Variants in GALNT2 observed in about 807,000 individuals in gnomAD.
GALNT2 encodes the protein polypeptide N-acetylgalactosaminyltransferase 2.
Under a neutral mutation model 81.4 loss-of-function variants are expected in GALNT2, and 31 were observed. That is an observed-to-expected ratio of 0.38 (90% CI 0.29 to 0.51). The LOEUF is 0.51. Ranked by LOEUF, GALNT2 falls within the 20% of genes least tolerant of loss-of-function variation. The pLI, the probability that GALNT2 is intolerant of heterozygous loss-of-function variation, is 0.87. For synonymous variants in GALNT2, 303 were observed against 287.4 expected (o/e 1.05, Z -0.55); for missense variants, 629 against 765.7 (o/e 0.82, Z 2.11).
At chr1:230,146,597 AG>A in intron 1 of GALNT2, among the ~76,000 whole-genome samples, 1 of 152,282 alleles carries the variant, frequency 6.6e-6, no homozygotes, top group Admixed American at 6.5e-5. Flanking sequence ...GTATTAGATG[AG>A]AAAGGAGCAA....
At chr1:230,258,514 C>T (rs551502749) in intron 11 of GALNT2, among the ~76,000 whole-genome samples, 37 of 152,272 alleles carry the variant, frequency 2.4e-4, no homozygotes, top group Middle Eastern at 3.4e-3. Flanking sequence ...CGTGAGCCAC[C>T]GTGCCTGGCC....
At chr1:230,145,132 C>T (rs1661875611) in intron 1 of GALNT2, among the ~76,000 whole-genome samples, 1 of 152,164 alleles carries the variant, frequency 6.6e-6, no homozygotes, top group Non-Finnish European at 1.5e-5. Context: ...TTAGAGCGAC[C>T]CATGTGCCTG....
chr1:230,207,409 AACAG>A (rs1427063116), intron 3 of GALNT2, among the ~76,000 whole-genome samples: 7 of 152,076 alleles, frequency 4.6e-5, no homozygotes, highest in African/African-American at 1.4e-4. Context: ...CTCCCAAACA[AACAG>A]ACAAACAAAA....
chr1:230,145,951 A>G (rs6541295), intron 1 of GALNT2, among the ~76,000 whole-genome samples: 134,705 of 152,262 alleles, frequency 0.88, 59,878 homozygotes, highest in African/African-American at 0.97. Context: ...TTAAGAGAGA[A>G]GACGTTGGTC....
At chr1:230,103,633 A>AT (rs1451207966) in intron 1 of GALNT2, among the ~76,000 whole-genome samples, 1 of 152,074 alleles carries the variant, frequency 6.6e-6, no homozygotes, top group African/African-American at 2.4e-5. Flanking sequence ...TTCTTGCAGG[A>AT]TTTTGTCTGT....
intron 2 of GALNT2, among the ~76,000 whole-genome samples, chr1:230,195,144 G>T (rs908748704): frequency 6.6e-6 from 1 of 152,262 alleles, no homozygotes; most frequent in African/African-American, 2.4e-5. Flanking sequence ...CCGGACCAAG[G>T]TCAAGACAGG....
At chr1:230,213,604 G>A (rs959705781) in intron 3 of GALNT2, among the ~76,000 whole-genome samples, 3 of 152,278 alleles carry the variant, frequency 2.0e-5, no homozygotes, top group Non-Finnish European at 2.9e-5. Context: ...TTTATATGGT[G>A]TATTTAGTTC....
At chr1:230,234,560 CTG>C (rs1286109378) in intron 3 of GALNT2, among the ~76,000 whole-genome samples, 2 of 152,210 alleles carry the variant, frequency 1.3e-5, no homozygotes, top group Admixed American at 1.3e-4. Flanking sequence ...ACAGGCAAGA[CTG>C]TTCATCCTCA....
intron 1 of GALNT2, among the ~76,000 whole-genome samples, chr1:230,119,284 G>T (rs1409977259): frequency 6.6e-6 from 1 of 152,070 alleles, no homozygotes; most frequent in Non-Finnish European, 1.5e-5. Flanking sequence ...AAGGGAGCTG[G>T]GAATCGCCTT....
Position 230,279,774 on chromosome 1 carries a change from G to A in GALNT2, c.*316G>A. ...GTGACACCCAGCGACAACCGACTGG[G>A]GAGTGGTAGAAGCAACTGAACGGAT... is the stretch of plus-strand genomic sequence containing the variant. On this transcript the variant is annotated 3_prime_UTR_variant, in exon 16 of 16. Transcript: ENST00000366672. This position sits in a 1 kb window ranked among gnomAD's most constrained non-coding sequence, Gnocchi z 4.6. The A allele has an allele frequency of 2.0e-6, 1 of 505,678 alleles. No homozygotes were observed. The highest frequency in any genetic ancestry group is 1.6e-5 in the South Asian group (1 of 62,560). 31.3% of individuals were successfully genotyped at this position (505,678 alleles called of 1,614,324 possible).
chr1:230,114,281 C>T lies in GALNT2; in HGVS notation c.126+46875C>T, dbSNP rs566991307. Among the ~76,000 whole-genome samples, 12 of 152,256 alleles carry T rather than the reference C, an allele frequency of 7.9e-5. 1 individual carries two copies. In the South Asian group the frequency reaches 1.0e-3, roughly 13 times the overall value. Reference sequence around the variant, plus strand: ...GTTTAGTCGTTCCTTTCTCTGCTGTCCCCCAGTAGCTTCCGGCCATTCCTT... The same window carrying T: ...GTTTAGTCGTTCCTTTCTCTGCTGTTCCCCAGTAGCTTCCGGCCATTCCTT... On this transcript the variant is annotated intron_variant, in intron 1 of 15. Transcript: ENST00000366672.
chr1:230,215,831 T>C (rs1467902026), intron 3 of GALNT2, among the ~76,000 whole-genome samples: 1 of 152,216 alleles, frequency 6.6e-6, no homozygotes, highest in Non-Finnish European at 1.5e-5. Context: ...CATACATTAA[T>C]TACACAAATT....
rs975586506 is a variant in GALNT2, at chr1:230,245,790, A to G, written c.730-273A>G. Among the ~76,000 whole-genome samples the G allele has an allele frequency of 3.9e-5, 6 of 152,152 alleles. No individual in the cohort carries two copies. The East Asian group carries it at 1.2e-3, about 29-fold the overall frequency. On this transcript the variant is annotated intron_variant, in intron 7 of 15. Coordinates refer to ENST00000366672, the MANE Select transcript of GALNT2 (RefSeq NM_004481.5). ...ACTGATGGCTACCTGTCCCATAACC[A>G]TGGGTGTCTCCACTCCTAGAGTGAC... is the stretch of plus-strand genomic sequence containing the variant.
At chr1:230,124,111 T>C (rs1325457226) in intron 1 of GALNT2, among the ~76,000 whole-genome samples, 3 of 152,180 alleles carry the variant, frequency 2.0e-5, no homozygotes, top group Admixed American at 2.0e-4. Context: ...TGGCTCAACT[T>C]TAAAAAGAAG....
At chr1:230,236,935 T>C (rs1237843310) in intron 6 of GALNT2, among the ~76,000 whole-genome samples, 1 of 152,244 alleles carries the variant, frequency 6.6e-6, no homozygotes, top group East Asian at 1.9e-4. Context: ...TAGAGCAGGA[T>C]CAAATTACAT....
At chr1:230,105,413 C>T (rs1660515829) in intron 1 of GALNT2, among the ~76,000 whole-genome samples, 1 of 152,132 alleles carries the variant, frequency 6.6e-6, no homozygotes, top group Non-Finnish European at 1.5e-5. Flanking sequence ...CCCCGCCTCT[C>T]ATGTTTTAAC....
At chr1:230,234,580 G>C (rs566356314) in intron 3 of GALNT2, among the ~76,000 whole-genome samples, 1 of 152,268 alleles carries the variant, frequency 6.6e-6, no homozygotes, top group Admixed American at 6.5e-5. Context: ...TCAAGACCAC[G>C]GGGCATCAAC....
At chr1:230,224,445 G>T (rs931517758) in intron 3 of GALNT2, among the ~76,000 whole-genome samples, 23 of 152,156 alleles carry the variant, frequency 1.5e-4, no homozygotes, top group Non-Finnish European at 2.9e-5. Context: ...CTTCATCCAG[G>T]GCTGTTATTT....
upstream of GALNT2, among the ~76,000 whole-genome samples, chr1:230,065,460 A>G (rs1477779244): frequency 1.3e-5 from 2 of 152,036 alleles, no homozygotes; most frequent in African/African-American, 4.8e-5. Context: ...CAAATACGTG[A>G]CACTTTGTTC....
Sources: allele counts gnomAD v4.1 joint callset (sites outside exome capture counted in the v4.1 genomes callset), GRCh38; gene constraint gnomAD v4.1.1; non-coding constraint Gnocchi (gnomAD v3.1); transcripts MANE v1.5; gene names NCBI Gene and HGNC (gene_info 2026-07-23, HGNC 2026-07-21).